The following ANK2 variants were observed in gnomAD, a reference collection of about 807,000 sequenced individuals.
ANK2 encodes the protein ankyrin 2, also known as ankyrin-2.
ANK2 carries 83 observed loss-of-function variants against 360.5 expected under a neutral mutation model. The observed-to-expected ratio is 0.23, with a 90% CI of 0.19 to 0.28. The LOEUF is 0.28. Among genes scored for constraint, ANK2 ranks in the 10% least tolerant of loss-of-function variants. ANK2 has a pLI of 1.00. For synonymous variants in ANK2, 1,740 were observed against 1,759.5 expected (o/e 0.99, Z 0.28); for missense variants, 4,201 against 4,795.7 (o/e 0.88, Z 3.66).
At chr4:112,852,531 A>G (rs1172331811) in intron 1 of ANK2, among the ~76,000 whole-genome samples, 2 of 152,262 alleles carry the variant, frequency 1.3e-5, no homozygotes, top group Non-Finnish European at 1.5e-5. Flanking sequence ...AGTAAATTGT[A>G]TGACTTGATC....
At chr4:112,867,647 A>C (rs1451839260) in intron 1 of ANK2, among the ~76,000 whole-genome samples, 2 of 149,204 alleles carry the variant, frequency 1.3e-5, no homozygotes. Context: ...AAATCGAATC[A>C]TACAATACAT....
rs868661838 is a variant in ANK2, at chr4:113,288,413, C to T, written c.2204C>T (p.Ala735Val). Reference sequence around the variant, plus strand: ...CTTGGTTACACACCTTTAATTGTGGCCTGTCACTATGGAAATGTGAAAATG... The same window carrying T: ...CTTGGTTACACACCTTTAATTGTGGTCTGTCACTATGGAAATGTGAAAATG... ...TKLGYTPLIV[A>V]CHYGNVKMVN... is the part of the protein sequence containing the mutation. The change falls in exon 20 of 46, where the codon GCC becomes GTC. Residue 735 changes from alanine (A) to valine (V), a missense_variant. This residue lies in a region of ANK2 where 1,268 missense variants were observed against 1,650.8 expected (regional missense o/e 0.77). Coordinates refer to ENST00000357077, the MANE Select transcript of ANK2 (RefSeq NM_001148.6). 1.9e-6 allele frequency: 3 copies of T among 1,613,826 alleles called. No individual in the cohort carries two copies. The African/African-American group carries it at 4.0e-5, about 22-fold the overall frequency.
chr4:113,363,323 T>A lies in ANK2; in HGVS notation c.10757-15T>A. On this transcript the variant is annotated splice_polypyrimidine_tract_variant and intron_variant, in intron 39 of 45. Transcript: ENST00000357077. ...TGAAGTTAATGTGTTTACAAAGTAG[T>A]ATTTTATCTTCTAGAATTAGCAAGA... 1 of 1,611,942 alleles carries A rather than the reference T, an allele frequency of 6.2e-7. No homozygotes were observed. Among genetic ancestry groups the A allele is most frequent in the Non-Finnish European group, 8.5e-7 (1 of 1,178,912 alleles).
At chr4:112,821,773 T>TA (rs1352847599) in intron 1 of ANK2, among the ~76,000 whole-genome samples, 1 of 148,642 alleles carries the variant, frequency 6.7e-6, no homozygotes, top group East Asian at 1.9e-4. Flanking sequence ...AGTCATAGAT[T>TA]TTTTTTTTTT....
chr4:113,369,880 G>A, intron 43 of ANK2, 75 bp downstream of exon 43: 1 of 1,599,580 alleles, frequency 6.3e-7, no homozygotes, highest in Non-Finnish European at 8.5e-7. Flanking sequence ...TTCTATGATG[G>A]TTTATTTTTT....
intron 2 of ANK2, among the ~76,000 whole-genome samples, chr4:112,982,629 A>G (rs946955099): frequency 6.6e-6 from 1 of 152,208 alleles, no homozygotes; most frequent in South Asian, 2.1e-4. Context: ...GAAGAGAGCT[A>G]ACAAGAGATT....
At chr4:112,716,577 T>A in the ANK2 span, among the ~76,000 whole-genome samples, 1 of 152,180 alleles carries the variant, frequency 6.6e-6, no homozygotes, top group Admixed American at 6.5e-5. Context: ...TTGGTAGAGA[T>A]GGGGGCCTCC....
the ANK2 span, among the ~76,000 whole-genome samples, chr4:112,804,615 G>T: frequency 6.6e-6 from 1 of 152,168 alleles, no homozygotes; most frequent in Non-Finnish European, 1.5e-5. Context: ...AATATAAATT[G>T]TAACATGTGA....
At chr4:113,250,828 CACAA>C (rs1300495394) in intron 10 of ANK2, among the ~76,000 whole-genome samples, 2 of 131,960 alleles carry the variant, frequency 1.5e-5, no homozygotes, top group Non-Finnish European at 3.1e-5. Context: ...AGGCAATTGA[CACAA>C]ACAAATATTT....
chr4:113,268,273 A>G (rs575501347), intron 14 of ANK2, among the ~76,000 whole-genome samples: 2 of 152,268 alleles, frequency 1.3e-5, no homozygotes, highest in East Asian at 3.9e-4. Context: ...CCTGGCTAGA[A>G]CTTCCAATAC....
intron 29 of ANK2, among the ~76,000 whole-genome samples, chr4:113,335,575 A>G (rs1364027552): frequency 6.6e-6 from 1 of 152,188 alleles, no homozygotes; most frequent in Non-Finnish European, 1.5e-5. Context: ...CTGCACCTAG[A>G]ACTAAATGTT....
At chr4:113,135,792 C>T (rs1490897756) in intron 1 of ANK2, among the ~76,000 whole-genome samples, 2 of 151,948 alleles carry the variant, frequency 1.3e-5, no homozygotes, top group Non-Finnish European at 2.9e-5. Flanking sequence ...CAGATGGCCA[C>T]CAACAGATTT....
At chr4:113,149,611 G>A (rs773942108) in intron 1 of ANK2, among the ~76,000 whole-genome samples, 7 of 151,774 alleles carry the variant, frequency 4.6e-5, no homozygotes, top group South Asian at 2.1e-4. Flanking sequence ...ATGGTGGCTC[G>A]CATCTGTAAT....
chr4:113,067,130 A>G (rs569365231), intron 1 of ANK2, among the ~76,000 whole-genome samples: 84 of 53,946 alleles, frequency 1.6e-3, no homozygotes, highest in South Asian at 9.8e-3. Context: ...GTGGGAAAAC[A>G]TGGCGAGATG....
intron 1 of ANK2, among the ~76,000 whole-genome samples, chr4:113,118,455 T>G (rs986883391): frequency 5.3e-5 from 8 of 152,172 alleles, no homozygotes; most frequent in Non-Finnish European, 1.0e-4. Context: ...GGGGATGTTG[T>G]CTTTGCCTCA....
At chr4:113,030,722 G>A (rs988736339) in intron 2 of ANK2, among the ~76,000 whole-genome samples, 9 of 151,670 alleles carry the variant, frequency 5.9e-5, no homozygotes, top group African/African-American at 1.9e-4. Flanking sequence ...GAATGGCCAA[G>A]GTACTCTAAG....
intron 4 of ANK2, chr4:113,214,530 T>C (rs1235598196): frequency 8.6e-6 from 5 of 578,264 alleles, no homozygotes; most frequent in Admixed American, 2.9e-5. Flanking sequence ...ATTAAGAGCC[T>C]GTTGCTTATA....
chr4:112,958,486 C>A (rs954433959), intron 2 of ANK2, among the ~76,000 whole-genome samples: 1 of 151,884 alleles, frequency 6.6e-6, no homozygotes, highest in Non-Finnish European at 1.5e-5. Flanking sequence ...CGCAGGCACT[C>A]GGCAGGCTGA....
chr4:113,274,493 G>A lies in ANK2; in HGVS notation c.1527G>A (p.Lys509=), dbSNP rs1258169809. The change falls in exon 15 of 46, where the codon AAG becomes AAA. Residue 509 remains lysine (K), a synonymous_variant. Transcript: ENST00000357077. The part of the protein sequence containing the change: ...TPLHIASRLG[K]TEIVQLLLQH... The stretch of plus-strand genomic sequence containing the variant: ...TACATATTGCCTCCCGCCTGGGTAA[G>A]ACAGAAATTGTCCAGCTGCTTCTAC... The A allele has an allele frequency of 1.2e-6, 2 of 1,614,224 alleles. No individual in the cohort carries two copies. Among genetic ancestry groups the A allele is most frequent in the Admixed American group, 1.7e-5 (1 of 60,024 alleles).
Sources: gnomAD v4.1 joint callset for allele counts (sites outside exome capture counted in the v4.1 genomes callset) on GRCh38, gnomAD v4.1.1 for gene constraint, gnomAD v4.1.1 regional missense constraint, MANE v1.5 for transcripts, NCBI Gene and HGNC (gene_info 2026-07-23, HGNC 2026-07-21) for gene names.